Variants in CHD9 observed in about 807,000 individuals in gnomAD.
CHD9 encodes ATP-dependent chromatin remodeler CHD9.
Under a neutral mutation model 316.1 loss-of-function variants are expected in CHD9, and 77 were observed. That is an observed-to-expected ratio of 0.24 (90% confidence interval 0.20 to 0.29). The LOEUF (loss-of-function observed/expected upper bound fraction) is 0.29. Ranked by LOEUF, CHD9 falls within the 10% of genes least tolerant of loss-of-function variation. CHD9 has a pLI of 1.00. For missense variants in CHD9, 2,763 were observed against 3,438.1 expected (o/e 0.80, Z 4.91); for synonymous variants, 1,129 against 1,158.3 (o/e 0.97, Z 0.51).
intron 3 of CHD9, among the ~76,000 whole-genome samples, chr16:53,212,266 G>C (rs535197477): frequency 6.6e-6 from 1 of 151,958 alleles, no homozygotes; most frequent in African/African-American, 2.4e-5. Context: ...TTAGCCAGGC[G>C]TGGTGGTGGG....
rs1411152450 is a variant in CHD9 at position 53,108,553 on chromosome 16, TA to T, written c.-164-47372del. ...ATAGATAGATAGATAGATAGATAGATAGATAGATGCAGATATCAATTATTAA... is the reference window on the plus strand; with the variant it reads ...ATAGATAGATAGATAGATAGATAGATGATAGATGCAGATATCAATTATTAA... On this transcript the variant is annotated intron_variant, in intron 1 of 38. Coordinates refer to ENST00000447540, the MANE Select transcript of CHD9 (RefSeq NM_001308319.2). Among the ~76,000 whole-genome samples the T allele has an allele frequency of 4.0e-5, 6 of 150,940 alleles. No homozygotes were observed. In the South Asian group the frequency reaches 8.4e-4, roughly 21 times the overall value.
chr16:53,326,219 C>A lies in CHD9; in HGVS notation c.*1324C>A, dbSNP rs1279760714. On this transcript the variant is annotated 3_prime_UTR_variant, in exon 39 of 39. Transcript: ENST00000447540. ...CTGACAAGGTAGAGGTCCAGGTTCA[C>A]CTTTATATATATTTAAAACAATTAG... 2 of 152,350 alleles carry A rather than the reference C, an allele frequency of 1.3e-5. No individual in the cohort carries two copies. The highest frequency in any genetic ancestry group is 4.8e-5 in the African/African-American group (2 of 41,392). The allele number at this position is 152,350 out of a possible 1,614,324, so 9.4% of individuals were successfully genotyped here. A position where few individuals can be genotyped will look rare whatever the true frequency, so the allele number is the denominator to read the frequency against.
chr16:53,323,174 GA>G lies in CHD9; in HGVS notation c.7819-838del, dbSNP rs200547837. On this transcript the variant is annotated intron_variant, in intron 38 of 38. Transcript: ENST00000447540. ...GTTTTGGATTTTGAACACTTTGTTG[GA>G]AAAAAAATGTAAAATATCTCAATTT... 1.6e-4 allele frequency among the ~76,000 whole-genome samples: 25 copies of G among 151,614 alleles called. 1 individual carries two copies. The East Asian group carries it at 1.7e-3, about 11-fold the overall frequency.
intron 12 of CHD9, among the ~76,000 whole-genome samples, chr16:53,239,310 C>T (rs2048887984): frequency 6.6e-6 from 1 of 152,018 alleles, no homozygotes; most frequent in South Asian, 2.1e-4. Flanking sequence ...ATAGGCCAGG[C>T]ATGGTGGCTC....
At chr16:53,132,626 C>T (rs1336873634) in intron 1 of CHD9, among the ~76,000 whole-genome samples, 1 of 151,950 alleles carries the variant, frequency 6.6e-6, no homozygotes, top group Non-Finnish European at 1.5e-5. Flanking sequence ...GTTTCTTTTC[C>T]CTTGGGTTTA....
intron 3 of CHD9, among the ~76,000 whole-genome samples, chr16:53,215,484 G>C (rs2046679318): frequency 6.6e-6 from 1 of 152,110 alleles, no homozygotes; most frequent in Non-Finnish European, 1.5e-5. Context: ...GTTTAAGCTT[G>C]GGGTCTTGAG....
At chr16:53,320,958 G>C (rs1017771105) in intron 37 of CHD9, among the ~76,000 whole-genome samples, 2 of 151,962 alleles carry the variant, frequency 1.3e-5, no homozygotes, top group African/African-American at 4.8e-5. Context: ...CAGTTTCTTC[G>C]TTTGAAAAAT....
chr16:53,323,658 C>T (rs1013113753), intron 38 of CHD9, among the ~76,000 whole-genome samples: 1 of 152,130 alleles, frequency 6.6e-6, no homozygotes, highest in Non-Finnish European at 1.5e-5. Context: ...GGAGCCACTT[C>T]TTTGGTCTTC....
intron 2 of CHD9, among the ~76,000 whole-genome samples, chr16:53,193,303 G>T (rs62048045): frequency 0.24 from 36,210 of 151,610 alleles, 4,620 homozygotes; most frequent in Middle Eastern, 0.31. Flanking sequence ...AAAAAAATTA[G>T]CCGGGCGTGG....
At chr16:53,269,097 A>G (rs995912863) in intron 22 of CHD9, among the ~76,000 whole-genome samples, 1 of 152,108 alleles carries the variant, frequency 6.6e-6, no homozygotes, top group Non-Finnish European at 1.5e-5. Flanking sequence ...ATGAGCCACC[A>G]TGCCTGGCCT....
At position 53,214,888 on chromosome 16, in the gene CHD9, G is replaced by A. The variant is rs1266125567; in HGVS notation, c.1784+5075G>A. ...GATTATTAAATGATTCCTGATTGCA[G>A]AGATGTTCGTAAAAAACAATATATA... On this transcript the variant is annotated intron_variant, in intron 3 of 38. Coordinates refer to ENST00000447540, the MANE Select transcript of CHD9 (RefSeq NM_001308319.2). Among the ~76,000 whole-genome samples the A allele has an allele frequency of 6.6e-5, 10 of 151,076 alleles. No individual in the cohort carries two copies. In the Admixed American group the frequency reaches 6.6e-4, roughly 10 times the overall value.
intron 24 of CHD9, among the ~76,000 whole-genome samples, chr16:53,281,410 A>C (rs139817977): frequency 1.3e-5 from 2 of 152,106 alleles, no homozygotes. Context: ...TTTCAGTACT[A>C]TCTCCTCTGC....
chr16:53,270,145 C>T (rs1234000270), intron 22 of CHD9, among the ~76,000 whole-genome samples: 1 of 150,886 alleles, frequency 6.6e-6, no homozygotes, highest in Admixed American at 6.6e-5. Flanking sequence ...CAGGCGTGTA[C>T]CATCACACCT....
intron 1 of CHD9, among the ~76,000 whole-genome samples, chr16:53,086,056 T>A (rs1280280239): frequency 6.6e-6 from 1 of 151,990 alleles, no homozygotes; most frequent in Non-Finnish European, 1.5e-5. Flanking sequence ...GAGTTTGAAA[T>A]AGGAGCTGAG....
chr16:53,256,515 G>A (rs1416552588), intron 19 of CHD9, among the ~76,000 whole-genome samples: 1 of 150,202 alleles, frequency 6.7e-6, no homozygotes, highest in South Asian at 2.1e-4. Flanking sequence ...TAGAGACGGG[G>A]TTTCGCCATG....
At chr16:53,089,316 A>G (rs982785170) in intron 1 of CHD9, among the ~76,000 whole-genome samples, 1 of 152,126 alleles carries the variant, frequency 6.6e-6, no homozygotes, top group African/African-American at 2.4e-5. Context: ...AAGAAAATGA[A>G]GTTGAATAGA....
chr16:53,293,007 C>A lies in CHD9; in HGVS notation c.5465C>A (p.Ala1822Asp). ...TSVMQPIYEE[A>D]TLNPKMAAKI... ...GTAATGCAGCCTATTTATGAGGAAGCCACTCTTAATCCTAAAATGGCAGCC... is the reference window on the plus strand; with the variant it reads ...GTAATGCAGCCTATTTATGAGGAAGACACTCTTAATCCTAAAATGGCAGCC... Residue 1822 changes from alanine (A) to aspartate (D), a missense_variant, in exon 29 of 39, where the codon GCC becomes GAC. Ala to Asp is a moderately radical substitution (Grantham distance 126, BLOSUM62 -2). This residue lies in a region of CHD9 where 183 missense variants were observed against 258.5 expected (regional missense o/e 0.71). Coordinates refer to ENST00000447540, the MANE Select transcript of CHD9 (RefSeq NM_001308319.2). 6.2e-7 allele frequency: 1 copy of A among 1,613,656 alleles called. No homozygotes were observed. Among genetic ancestry groups the A allele is most frequent in the Non-Finnish European group, 8.5e-7 (1 of 1,179,806 alleles).
At chr16:53,114,321 G>T (rs368171255) in intron 1 of CHD9, among the ~76,000 whole-genome samples, 2 of 149,170 alleles carry the variant, frequency 1.3e-5, no homozygotes, top group Non-Finnish European at 3.0e-5. Context: ...GCAGTGGCAC[G>T]ATCTTGGCTC....
intron 12 of CHD9, among the ~76,000 whole-genome samples, chr16:53,239,198 A>G (rs1201197546): frequency 6.6e-6 from 1 of 152,036 alleles, no homozygotes; most frequent in Non-Finnish European, 1.5e-5. Context: ...TTGACCACTT[A>G]CTCTTTAGGA....
Sources: allele counts gnomAD v4.1 joint callset (sites outside exome capture counted in the v4.1 genomes callset), GRCh38; gene constraint gnomAD v4.1.1; regional missense constraint gnomAD v4.1.1; transcripts MANE v1.5; gene names NCBI Gene and HGNC (gene_info 2026-07-23, HGNC 2026-07-21).